C2orf78: variants seen among roughly 807,000 people sequenced by gnomAD.
C2orf78 encodes uncharacterized protein C2orf78.
A neutral mutation model predicts 21.4 loss-of-function variants in C2orf78; 12 were observed. That is an observed-to-expected ratio of 0.56 (90% confidence interval 0.36 to 0.91). The LOEUF is 0.91. Ranked by LOEUF, C2orf78 falls within the 40% of genes least tolerant of loss-of-function variation. C2orf78 has a pLI of 0.01. For synonymous variants in C2orf78, 396 were observed against 413.9 expected (o/e 0.96, Z 0.52); for missense variants, 1,042 against 1,092.4 (o/e 0.95, Z 0.65).
exon 2 of C2orf78, chr2:73,813,516 C>T: frequency 6.2e-7 from 1 of 1,611,606 alleles, no homozygotes; most frequent in South Asian, 1.1e-5. Context: ...ACTGCAAATT[C>T]TCGGCAGTTC....
At chr2:73,811,386 T>G (rs1185790323) in intron 1 of C2orf78, among the ~76,000 whole-genome samples, 1 of 152,198 alleles carries the variant, frequency 6.6e-6, no homozygotes. Flanking sequence ...GTGTGCTGTT[T>G]CTAATTTTTA....
exon 3 of C2orf78, chr2:73,815,097 A>G (rs758129774): frequency 1.9e-6 from 3 of 1,613,080 alleles, no homozygotes; most frequent in Non-Finnish European, 2.5e-6. Context: ...GGGGATGGAT[A>G]CTTCCCTGGG....
chr2:73,784,517 A>C, intron 1 of C2orf78, 111 bp downstream of exon 1: 3 of 579,088 alleles, frequency 5.2e-6, no homozygotes, highest in Non-Finnish European at 8.9e-6. Flanking sequence ...GAAAGTATTG[A>C]AGTAGAAATC....
At chr2:73,815,078 AACTTCCCTGGGGATGGAT>A in exon 3 of C2orf78, 1 of 1,609,552 alleles carries the variant, frequency 6.2e-7, no homozygotes. Context: ...TAGTGATGGA[AACTTCCCTGGGGATGGAT>A]ACTTCCCTGG....
intron 2 of C2orf78, 63 bp downstream of exon 2, chr2:73,814,289 G>C: frequency 2.7e-6 from 4 of 1,489,750 alleles, no homozygotes; most frequent in Non-Finnish European, 3.6e-6. Context: ...GGTCAAATCT[G>C]TAGCGAGTGG....
At chr2:73,816,298 A>G in exon 3 of C2orf78, 1 of 1,613,934 alleles carries the variant, frequency 6.2e-7, no homozygotes, top group Non-Finnish European at 8.5e-7. Context: ...GTCAAGGCCC[A>G]GAAACTAGAT....
chr2:73,816,024 A>C (rs546601574), exon 3 of C2orf78: 1 of 1,613,934 alleles, frequency 6.2e-7, no homozygotes, highest in South Asian at 1.1e-5. Flanking sequence ...AGAGAAGCAA[A>C]CCATTCCCAA....
At chr2:73,786,494 C>T (rs549377158) in intron 1 of C2orf78, among the ~76,000 whole-genome samples, 3 of 101,900 alleles carry the variant, frequency 2.9e-5, no homozygotes, top group Non-Finnish European at 5.9e-5. Context: ...TTAGTCCACA[C>T]GTAAATCATT....
chr2:73,815,057 T>G lies in C2orf78; in HGVS notation c.848-14T>G, dbSNP rs1673163722. 6.3e-7 allele frequency: 1 copy of G among 1,594,606 alleles called. No homozygotes were observed. Among genetic ancestry groups the G allele is most frequent in the South Asian group, 1.1e-5 (1 of 87,702 alleles). On this transcript the variant is annotated splice_polypyrimidine_tract_variant and intron_variant, in intron 2 of 2. Transcript: ENST00000409561. The stretch of plus-strand genomic sequence containing the variant: ...ACTTACCAGGGACTGACTTCTTCCT[T>G]GATTCCTTTGTAGTGATGGAAACTT...
chr2:73,809,047 T>G (rs1673017802), intron 1 of C2orf78: 1 of 756,578 alleles, frequency 1.3e-6, no homozygotes. Flanking sequence ...CAGTTTTGGC[T>G]TTGACATTAA....
chr2:73,810,899 G>T (rs1437516224), intron 1 of C2orf78, among the ~76,000 whole-genome samples: 2 of 134,448 alleles, frequency 1.5e-5, no homozygotes, highest in African/African-American at 5.7e-5. Flanking sequence ...TATATTACAT[G>T]TATATTATAT....
intron 1 of C2orf78, among the ~76,000 whole-genome samples, chr2:73,812,719 C>T (rs1673113854): frequency 6.6e-6 from 1 of 152,066 alleles, no homozygotes; most frequent in Admixed American, 6.6e-5. Flanking sequence ...CAGAGTAAGA[C>T]TCTGTCTCAG....
exon 2 of C2orf78, chr2:73,813,956 A>T: frequency 6.2e-7 from 1 of 1,614,036 alleles, no homozygotes; most frequent in Non-Finnish European, 8.5e-7. Context: ...ACTAACTCAA[A>T]TTCCAAATCA....
intron 1 of C2orf78, among the ~76,000 whole-genome samples, chr2:73,809,934 G>T (rs1190305822): frequency 3.9e-5 from 6 of 152,112 alleles, no homozygotes; most frequent in Non-Finnish European, 7.3e-5. Context: ...CAGAAAGACA[G>T]GGTCCCCTAC....
In C2orf78 at chr2:73,808,147, A is replaced by G. The variant is rs1032247171; in HGVS notation, c.98-5330A>G. Among the ~76,000 whole-genome samples, 14 of 150,994 alleles carry G rather than the reference A, an allele frequency of 9.3e-5. 2 individuals carry two copies. The highest frequency in any genetic ancestry group is 3.5e-4 in the African/African-American group (14 of 40,346). ...CAGGCGCCTGTAGTCCCAGCTACTA[A>G]GGAGTCTGAGGCAGGAGAATGGCGT... is the stretch of plus-strand genomic sequence containing the variant. On this transcript the variant is annotated intron_variant, in intron 1 of 2. Transcript: ENST00000409561.
chr2:73,786,102 G>A (rs1672925295), intron 1 of C2orf78, among the ~76,000 whole-genome samples: 2 of 151,850 alleles, frequency 1.3e-5, no homozygotes, highest in Non-Finnish European at 2.9e-5. Flanking sequence ...CTTCCAGGCA[G>A]GGTGCGGTGG....
intron 1 of C2orf78, among the ~76,000 whole-genome samples, chr2:73,810,829 T>A (rs1445042560): frequency 7.4e-6 from 1 of 135,450 alleles, no homozygotes; most frequent in Non-Finnish European, 1.5e-5. Context: ...AATATACATG[T>A]ATGTTATATA....
chr2:73,785,796 C>G (rs71418708), intron 1 of C2orf78, among the ~76,000 whole-genome samples: 2 of 151,928 alleles, frequency 1.3e-5, no homozygotes, highest in Non-Finnish European at 2.9e-5. Context: ...CCTGTAATCC[C>G]AGCACTTTGG....
exon 2 of C2orf78, chr2:73,814,095 C>T (rs754748087): frequency 6.2e-7 from 1 of 1,613,156 alleles, no homozygotes; most frequent in Admixed American, 1.7e-5. Context: ...GGATATAGGG[C>T]TTCTGCCCAT....
Sources: allele counts gnomAD v4.1 joint callset (sites outside exome capture counted in the v4.1 genomes callset), GRCh38; gene constraint gnomAD v4.1.1; transcripts MANE v1.5; gene names NCBI Gene and HGNC (gene_info 2026-07-23, HGNC 2026-07-21).